The following CCDC195 variants were observed in gnomAD, a reference collection of about 807,000 sequenced individuals.
CCDC195 encodes the protein coiled-coil domain-containing protein 195.
intron 2 of CCDC195, 50 bp from the exon 3 acceptor site, chr2:224,703,937 A>T: frequency 2.5e-6 from 1 of 398,176 alleles, no homozygotes; most frequent in East Asian, 3.6e-5. Flanking sequence ...GTGAGACTTT[A>T]TATAGAACAT....
At chr2:224,706,139 GTT>G (rs1697237348) in intron 2 of CCDC195, among the ~76,000 whole-genome samples, 1 of 123,484 alleles carries the variant, frequency 8.1e-6, no homozygotes, top group Non-Finnish European at 1.7e-5. Flanking sequence ...ATTATGAAGA[GTT>G]TTGTTTTTAA....
chr2:224,708,931 G>C (rs1034757359), intron 2 of CCDC195, among the ~76,000 whole-genome samples: 1 of 152,132 alleles, frequency 6.6e-6, no homozygotes, highest in African/African-American at 2.4e-5. Context: ...GTGTGGGAGA[G>C]AGGGGGCAGT....
chr2:224,712,945 T>C (rs1418942111), intron 1 of CCDC195, among the ~76,000 whole-genome samples: 1 of 151,852 alleles, frequency 6.6e-6, no homozygotes, highest in Non-Finnish European at 1.5e-5. Context: ...CTCAGCTCAC[T>C]GCAACTTCCG....
chr2:224,710,095 C>G (rs1183619152), exon 2 of CCDC195: 2 of 398,474 alleles, frequency 5.0e-6, no homozygotes, highest in Non-Finnish European at 8.8e-6. Flanking sequence ...CCAATGACTT[C>G]AGTGTTCTCT....
At chr2:224,710,028 G>C (rs1156812652) in exon 2 of CCDC195, 11 of 398,612 alleles carry the variant, frequency 2.8e-5, no homozygotes, top group African/African-American at 2.1e-4. Flanking sequence ...TTGCTGGTGA[G>C]AGAATCTGTG....
At chr2:224,714,956 G>A (rs1422574049) in intron 1 of CCDC195, among the ~76,000 whole-genome samples, 2 of 151,730 alleles carry the variant, frequency 1.3e-5, no homozygotes, top group Non-Finnish European at 2.9e-5. Flanking sequence ...TTGAGATGGA[G>A]TCTCACTCTG....
intron 2 of CCDC195, among the ~76,000 whole-genome samples, chr2:224,709,744 G>T (rs997433823): frequency 6.6e-6 from 1 of 152,198 alleles, no homozygotes; most frequent in African/African-American, 2.4e-5. Context: ...ATGAATAAAT[G>T]AGTACTAAGT....
intron 2 of CCDC195, among the ~76,000 whole-genome samples, chr2:224,705,643 C>T (rs764763728): frequency 6.6e-6 from 1 of 152,112 alleles, no homozygotes; most frequent in Non-Finnish European, 1.5e-5. Flanking sequence ...AATATAATGA[C>T]ATTTTACTTT....
At chr2:224,716,360 T>G (rs1336250663) in exon 1 of CCDC195, 9 of 398,540 alleles carry the variant, frequency 2.3e-5, no homozygotes, top group Non-Finnish European at 4.0e-5. Flanking sequence ...GGATATCAGC[T>G]TCCATTGTCT....
intron 1 of CCDC195, among the ~76,000 whole-genome samples, chr2:224,712,446 A>AT (rs1689327424): frequency 6.6e-6 from 1 of 152,234 alleles, no homozygotes; most frequent in Non-Finnish European, 1.5e-5. Context: ...TTCCATGAGC[A>AT]TTTACCCAGC....
chr2:224,708,050 T>C (rs1394841512), intron 2 of CCDC195, among the ~76,000 whole-genome samples: 2 of 141,456 alleles, frequency 1.4e-5, no homozygotes, highest in Non-Finnish European at 3.0e-5. Flanking sequence ...AGGCAAGGTC[T>C]CACTATGTTG....
intron 1 of CCDC195, among the ~76,000 whole-genome samples, chr2:224,713,530 T>C (rs1689346621): frequency 6.6e-6 from 1 of 152,162 alleles, no homozygotes; most frequent in South Asian, 2.1e-4. Context: ...CACTTATTTT[T>C]ACATGAGGAT....
At chr2:224,704,159 T>C (rs1461636160) in intron 2 of CCDC195, among the ~76,000 whole-genome samples, 1 of 152,192 alleles carries the variant, frequency 6.6e-6, no homozygotes, top group Non-Finnish European at 1.5e-5. Flanking sequence ...TGATTATTAG[T>C]TTGATGTTCA....
intron 2 of CCDC195, 33 bp downstream of exon 2, chr2:224,709,940 C>A (rs76580556): frequency 7.5e-6 from 3 of 398,434 alleles, no homozygotes; most frequent in Admixed American, 4.4e-5. Context: ...CAGTATGGGC[C>A]TATTCACCAG....
At chr2:224,714,412 T>TTGC (rs897142465) in intron 1 of CCDC195, among the ~76,000 whole-genome samples, 6 of 151,898 alleles carry the variant, frequency 4.0e-5, no homozygotes, top group African/African-American at 1.5e-4. Context: ...TGAAGTATTG[T>TTGC]TTATTTTTGG....
chr2:224,715,129 A>T (rs1445327153), intron 1 of CCDC195, among the ~76,000 whole-genome samples: 1 of 152,078 alleles, frequency 6.6e-6, no homozygotes. Flanking sequence ...GGGTTTCACC[A>T]TGTTGGCCAG....
chr2:224,710,527 A>T (rs1689305491), intron 1 of CCDC195, among the ~76,000 whole-genome samples: 1 of 152,164 alleles, frequency 6.6e-6, no homozygotes, highest in Admixed American at 6.5e-5. Context: ...AGTCCCAGCT[A>T]CTCAGGAGGT....
intron 1 of CCDC195, among the ~76,000 whole-genome samples, chr2:224,712,410 A>C (rs916898430): frequency 1.6e-4 from 24 of 152,232 alleles, no homozygotes; most frequent in Non-Finnish European, 3.4e-4. Context: ...CATATCTACC[A>C]AATATTTGTG....
At chr2:224,707,839 G>T (rs1246961024) in intron 2 of CCDC195, among the ~76,000 whole-genome samples, 1 of 152,050 alleles carries the variant, frequency 6.6e-6, no homozygotes, top group Non-Finnish European at 1.5e-5. Flanking sequence ...TTTGCCCCTG[G>T]GAGGACAAAG....
Sources: allele counts gnomAD v4.1 joint callset (sites outside exome capture counted in the v4.1 genomes callset), GRCh38; gene constraint gnomAD v4.1.1; transcripts MANE v1.5; gene names NCBI Gene and HGNC (gene_info 2026-07-23, HGNC 2026-07-21).